Variants in NEBL observed in about 807,000 individuals in gnomAD.
NEBL encodes nebulette.
Under a neutral mutation model 140.2 loss-of-function variants are expected in NEBL, and 122 were observed. That is an observed-to-expected ratio of 0.87 (90% CI 0.75 to 1.01). The LOEUF (loss-of-function observed/expected upper bound fraction) is 1.01. Ranked by LOEUF, NEBL falls within the 50% of genes least tolerant of loss-of-function variation. The probability of loss-of-function intolerance (pLI) is 0.00; values close to 1 mark genes in which losing one functional copy is unlikely to be tolerated. For synonymous variants in NEBL, 436 were observed against 398.9 expected (o/e 1.09, Z -1.11); for missense variants, 1,365 against 1,231.3 (o/e 1.11, Z -1.62).
intron 2 of NEBL, among the ~76,000 whole-genome samples, chr10:21,155,922 C>A (rs1840319562): frequency 6.6e-6 from 1 of 152,114 alleles, no homozygotes; most frequent in African/African-American, 2.4e-5. Context: ...AACAGAGGCC[C>A]CAAGAGGTGG....
At chr10:21,069,819 C>A (rs1564500153) in intron 2 of NEBL, 1 of 355,814 alleles carries the variant, frequency 2.8e-6, no homozygotes, top group South Asian at 2.1e-5. Context: ...TGATCATTAT[C>A]TAACTGTATC....
chr10:21,184,541 G>A (rs1475740604), intron 3 of NEBL, among the ~76,000 whole-genome samples: 2 of 152,150 alleles, frequency 1.3e-5, no homozygotes, highest in East Asian at 1.9e-4. Flanking sequence ...AATGAACCTG[G>A]CTTCATGGCG....
intron 3 of NEBL, among the ~76,000 whole-genome samples, chr10:20,983,787 T>G (rs1445356212): frequency 1.3e-5 from 2 of 152,198 alleles, no homozygotes; most frequent in Non-Finnish European, 2.9e-5. Context: ...AGGAAAATGC[T>G]ACACATGACA....
chr10:21,121,699 C>T (rs1838582365), intron 2 of NEBL, among the ~76,000 whole-genome samples: 1 of 152,130 alleles, frequency 6.6e-6, no homozygotes, highest in East Asian at 1.9e-4. Flanking sequence ...ATAGCGATGC[C>T]ATCTCCGTTT....
At chr10:20,974,834 A>AT (rs1463960877) in intron 3 of NEBL, among the ~76,000 whole-genome samples, 6 of 152,344 alleles carry the variant, frequency 3.9e-5, no homozygotes, top group Non-Finnish European at 8.8e-5. Context: ...ACTTTTAAAA[A>AT]TTAACGTGAA....
intron 3 of NEBL, among the ~76,000 whole-genome samples, chr10:20,983,349 A>G (rs1489862163): frequency 6.6e-6 from 1 of 152,238 alleles, no homozygotes; most frequent in Non-Finnish European, 1.5e-5. Context: ...AGTATGTGCT[A>G]AACTTCAACG....
intron 3 of NEBL, among the ~76,000 whole-genome samples, chr10:21,192,198 C>T (rs1199475426): frequency 1.3e-4 from 19 of 144,250 alleles, no homozygotes; most frequent in African/African-American, 3.8e-4. Context: ...CTTTTTTTTT[C>T]TTTTTTTTTT....
At chr10:21,183,518 A>G (rs1378161935) in intron 3 of NEBL, among the ~76,000 whole-genome samples, 1 of 152,228 alleles carries the variant, frequency 6.6e-6, no homozygotes, top group African/African-American at 2.4e-5. Flanking sequence ...CCAGAAGTGA[A>G]CAAAAACCAA....
In NEBL at chr10:20,968,577, C is replaced by T. The variant is rs1011125808; in HGVS notation, c.250-6798G>A. On this transcript the variant is annotated intron_variant, in intron 3 of 6. Transcript: ENST00000417816. ...ATCATAGAAGTTCAAGGGGATGCGT[C>T]GCATGTATCACGATAGACAAGTGCA... Among the ~76,000 whole-genome samples, 9 of 152,184 alleles carry T rather than the reference C, an allele frequency of 5.9e-5. No homozygotes were observed. In the East Asian group the frequency reaches 7.7e-4, roughly 13 times the overall value.
intron 2 of NEBL, among the ~76,000 whole-genome samples, chr10:21,023,380 C>T (rs932241077): frequency 3.3e-5 from 5 of 152,152 alleles, no homozygotes; most frequent in Non-Finnish European, 2.9e-5. Flanking sequence ...GAACAACCTT[C>T]TTCTGCCATT....
chr10:21,055,966 C>T (rs1835006279), intron 2 of NEBL, among the ~76,000 whole-genome samples: 1 of 152,196 alleles, frequency 6.6e-6, no homozygotes, highest in African/African-American at 2.4e-5. Context: ...TTTGTTTGTC[C>T]TGAGGCTTTA....
intron 3 of NEBL, among the ~76,000 whole-genome samples, chr10:21,231,635 C>T (rs1842254363): frequency 6.7e-6 from 1 of 148,682 alleles, no homozygotes; most frequent in Admixed American, 6.6e-5. Flanking sequence ...CAGGAGAGAA[C>T]ATCAGAGGAA....
In NEBL at chr10:21,117,900, C is replaced by T. The variant is rs112916267; in HGVS notation, c.164+54483G>A. The stretch of plus-strand genomic sequence containing the variant: ...TTACATAAGTTATCTAACCTGAGTC[C>T]ACCTGATCTATAAAAAAAGAATATT... On this transcript the variant is annotated intron_variant, in intron 2 of 6. Transcript: ENST00000417816. Among the ~76,000 whole-genome samples the T allele has an allele frequency of 4.4e-3, 665 of 152,188 alleles. 5 individuals carry two copies. Among genetic ancestry groups the T allele is most frequent in the African/African-American group, 0.015 (609 of 41,548 alleles).
At chr10:20,810,368 C>CA (rs111700349) in intron 24 of NEBL, among the ~76,000 whole-genome samples, 6,044 of 150,082 alleles carry the variant, frequency 0.04, 202 homozygotes, top group East Asian at 0.13. Context: ...ACAAAACAAA[C>CA]AAAAAAAAAG....
chr10:21,270,985 T>C (rs923779341), intron 1 of NEBL, among the ~76,000 whole-genome samples: 1 of 152,088 alleles, frequency 6.6e-6, no homozygotes, highest in African/African-American at 2.4e-5. Flanking sequence ...AGACTGAAAA[T>C]AGAATTACCA....
At chr10:21,175,729 T>C (rs1841283826), upstream of NEBL, among the ~76,000 whole-genome samples, 1 of 152,220 alleles carries the variant, frequency 6.6e-6, no homozygotes. Flanking sequence ...GAATTTGCTG[T>C]CAGAGAGGAT....
intron 4 of NEBL, among the ~76,000 whole-genome samples, chr10:20,918,720 G>A (rs911223592): frequency 6.6e-5 from 10 of 151,234 alleles, no homozygotes; most frequent in African/African-American, 2.4e-4. Flanking sequence ...GCGTGGTGGC[G>A]GGCGCCTATA....
intron 3 of NEBL, among the ~76,000 whole-genome samples, chr10:21,246,843 A>C (rs1842523343): frequency 6.6e-6 from 1 of 152,074 alleles, no homozygotes; most frequent in Admixed American, 6.6e-5. Flanking sequence ...CAAAGAAGAA[A>C]AAAAATAAAT....
rs1466880356 is a variant in NEBL at position 21,241,285 on chromosome 10, T to TAAATAAAA, written n.348+6635_348+6636insTTTTATTT. On this transcript the variant is annotated intron_variant and non_coding_transcript_variant, in intron 3 of 8. Coordinates refer to the NEBL transcript ENST00000675702. Reference sequence around the variant, plus strand: ...ATAAATAAATAAATAAATAAATAAATAAAAATAAAAATCAATCAAAAGGAC... The same window carrying TAAATAAAA: ...ATAAATAAATAAATAAATAAATAAATAAATAAAAAAAAATAAAAATCAATCAAAAGGAC... 1.5e-3 allele frequency among the ~76,000 whole-genome samples: 225 copies of TAAATAAAA among 146,400 alleles called. 2 individuals are homozygous for TAAATAAAA. The highest frequency in any genetic ancestry group is 0.015 in the East Asian group (73 of 5,032).
Sources: gnomAD v4.1 joint callset for allele counts (sites outside exome capture counted in the v4.1 genomes callset) on GRCh38, gnomAD v4.1.1 for gene constraint, MANE v1.5 for transcripts, NCBI Gene and HGNC (gene_info 2026-07-23, HGNC 2026-07-21) for gene names.